The following RBFOX3 variants were observed in gnomAD, a reference collection of about 807,000 sequenced individuals.
RBFOX3 encodes the protein RNA binding protein fox-1 homolog 3.
Under a neutral mutation model 48.7 loss-of-function variants are expected in RBFOX3, and 17 were observed. The observed-to-expected ratio is 0.35, with a 90% CI of 0.24 to 0.52. The LOEUF (loss-of-function observed/expected upper bound fraction) is 0.52, where lower values mean the gene tolerates loss of function less well. Ranked by LOEUF, RBFOX3 falls within the 20% of genes least tolerant of loss-of-function variation. RBFOX3 has a pLI of 0.94. For missense variants in RBFOX3, 382 were observed against 497.5 expected, an observed-to-expected ratio of 0.77 and a Z score of 2.21; for synonymous variants, 212 against 209.5, an observed-to-expected ratio of 1.01 and a Z score of -0.10.
intron 2 of RBFOX3, among the ~76,000 whole-genome samples, chr17:79,442,724 G>T (rs1327514988): frequency 6.6e-6 from 1 of 151,980 alleles, no homozygotes; most frequent in Non-Finnish European, 1.5e-5. Flanking sequence ...ATTAATAATT[G>T]CCAGAGGAAG....
the RBFOX3 span, among the ~76,000 whole-genome samples, chr17:79,620,515 GTGCA>G: frequency 7.3e-6 from 1 of 137,004 alleles, no homozygotes; most frequent in African/African-American, 2.9e-5. Flanking sequence ...ATGCGCATAC[GTGCA>G]CATGCATACG....
chr17:79,113,654 A>G (rs1182735819), intron 5 of RBFOX3, among the ~76,000 whole-genome samples: 2 of 152,102 alleles, frequency 1.3e-5, no homozygotes, highest in Non-Finnish European at 2.9e-5. Context: ...TGGATGCAGC[A>G]TTCACCTTTT....
intron 2 of RBFOX3, among the ~76,000 whole-genome samples, chr17:79,360,346 G>A (rs945588048): frequency 2.0e-4 from 30 of 152,138 alleles, no homozygotes; most frequent in Admixed American, 5.2e-4. Flanking sequence ...GAACCTGCAG[G>A]GAACCCTGCA....
intron 2 of RBFOX3, among the ~76,000 whole-genome samples, chr17:79,436,924 AGCTGGG>A (rs2069596182): frequency 6.6e-6 from 1 of 152,018 alleles, no homozygotes; most frequent in South Asian, 2.1e-4. Flanking sequence ...CTCTCCGGGG[AGCTGGG>A]GCAGGAGGAG....
intron 1 of RBFOX3, among the ~76,000 whole-genome samples, chr17:79,525,479 G>A (rs2086673463): frequency 6.6e-6 from 1 of 152,196 alleles, no homozygotes; most frequent in Admixed American, 6.5e-5. Flanking sequence ...CAATTCCCTG[G>A]AAATGCTTCC....
intron 1 of RBFOX3, among the ~76,000 whole-genome samples, chr17:79,548,362 C>A (rs1188743574): frequency 6.6e-6 from 1 of 152,236 alleles, no homozygotes. Flanking sequence ...GGCTGGCTTG[C>A]ATCTGTGACT....
chr17:79,450,552 T>A (rs1468883093), intron 2 of RBFOX3, among the ~76,000 whole-genome samples: 18 of 150,894 alleles, frequency 1.2e-4, no homozygotes, highest in African/African-American at 4.1e-4. Flanking sequence ...TTTTTTTTTT[T>A]ATATTATGAT....
intron 2 of RBFOX3, among the ~76,000 whole-genome samples, chr17:79,437,425 C>A (rs1461760737): frequency 1.3e-5 from 2 of 152,232 alleles, no homozygotes; most frequent in Non-Finnish European, 2.9e-5. Flanking sequence ...AAGCCCATAG[C>A]ACCTCTGAGC....
chr17:79,097,926 T>G (rs917871066), intron 9 of RBFOX3, 181 bp from the exon 10 acceptor site: 5 of 635,312 alleles, frequency 7.9e-6, no homozygotes, highest in African/African-American at 1.8e-5. Flanking sequence ...AACACCAGGG[T>G]CTACTCCTTC....
In RBFOX3 at chr17:79,214,852, T is replaced by C. The variant is rs1282917311; in HGVS notation, c.-34+20914A>G. Among the ~76,000 whole-genome samples, 1 of 152,156 alleles carries C rather than the reference T, an allele frequency of 6.6e-6. No individual in the cohort carries two copies. Among genetic ancestry groups the C allele is most frequent in the East Asian group, 1.9e-4 (1 of 5,186 alleles). On this transcript the variant is annotated intron_variant, in intron 4 of 14. Coordinates refer to ENST00000693108, the MANE Select transcript of RBFOX3 (RefSeq NM_001350451.2). The surrounding 1 kb of genome is among the most constrained non-coding windows in gnomAD (Gnocchi z 4.7). ...ACTCCAGGGCAAACTTTAAAAAACA[T>C]AATATTTATAGAAAGCCTCATTCAG...
At chr17:79,493,069 C>A (rs1189809010) in intron 1 of RBFOX3, among the ~76,000 whole-genome samples, 1 of 152,086 alleles carries the variant, frequency 6.6e-6, no homozygotes, top group Non-Finnish European at 1.5e-5. Context: ...CAGGAAGCAC[C>A]GTGTTGGCAT....
In RBFOX3 at chr17:79,423,383, C is replaced by T. The variant is rs1303215782; in HGVS notation, c.-175+59071G>A. On this transcript the variant is annotated intron_variant, in intron 2 of 14. Coordinates refer to ENST00000693108, the MANE Select transcript of RBFOX3 (RefSeq NM_001350451.2). This position sits in a 1 kb window ranked among gnomAD's most constrained non-coding sequence, Gnocchi z 4.9. ...CCTGCCGCACAGACCCCAACCCTAC[C>T]TCCAGTGTGGTCCGGCGCCACCACC... Among the ~76,000 whole-genome samples the T allele has an allele frequency of 6.6e-6, 1 of 152,150 alleles. No homozygotes were observed. Among genetic ancestry groups the T allele is most frequent in the African/African-American group, 2.4e-5 (1 of 41,416 alleles).
At chr17:79,224,274 A>G (rs1449094126) in intron 4 of RBFOX3, among the ~76,000 whole-genome samples, 1 of 152,210 alleles carries the variant, frequency 6.6e-6, no homozygotes, top group Non-Finnish European at 1.5e-5. Flanking sequence ...TGTCATGGTC[A>G]GGAAGTTCTT....
At chr17:79,094,571 G>T in intron 13 of RBFOX3, 42 bp from the exon 14 acceptor site, 1 of 651,334 alleles carries the variant, frequency 1.5e-6, no homozygotes. Flanking sequence ...GAGGGTGGGG[G>T]AGGGGGGCAG....
intron 1 of RBFOX3, among the ~76,000 whole-genome samples, chr17:79,564,755 T>A (rs1311770852): frequency 6.6e-6 from 1 of 152,124 alleles, no homozygotes; most frequent in Non-Finnish European, 1.5e-5. Context: ...AAGTGTGTGG[T>A]TGTGGTAGAA....
intron 3 of RBFOX3, among the ~76,000 whole-genome samples, chr17:79,300,030 G>A (rs72848066): frequency 0.037 from 5,564 of 151,790 alleles, 137 homozygotes; most frequent in Admixed American, 0.058. Flanking sequence ...TCAGCCTCCC[G>A]AGTGGCTGGG....
At chr17:79,261,367 C>G (rs9675237) in intron 3 of RBFOX3, among the ~76,000 whole-genome samples, 1 of 152,212 alleles carries the variant, frequency 6.6e-6, no homozygotes, top group Admixed American at 6.5e-5. Flanking sequence ...GGGTCTCTTT[C>G]TTTTTCCTTT....
At chr17:79,619,701 C>T in the RBFOX3 span, among the ~76,000 whole-genome samples, 7 of 152,204 alleles carry the variant, frequency 4.6e-5, no homozygotes, top group East Asian at 1.9e-4. Context: ...AGGCAGGCTC[C>T]GGGGCAGGTG....
intron 2 of RBFOX3, among the ~76,000 whole-genome samples, chr17:79,409,892 C>A (rs1369594363): frequency 2.6e-5 from 4 of 152,186 alleles, no homozygotes; most frequent in Admixed American, 2.6e-4. Flanking sequence ...CACCTCTGGC[C>A]CCTGTTGATG....
Sources: allele counts gnomAD v4.1 joint callset (sites outside exome capture counted in the v4.1 genomes callset), GRCh38; gene constraint gnomAD v4.1.1; non-coding constraint Gnocchi (gnomAD v3.1); transcripts MANE v1.5; gene names NCBI Gene and HGNC (gene_info 2026-07-23, HGNC 2026-07-21).